The following ANKRD44 variants were observed in gnomAD, a reference collection of about 807,000 sequenced individuals.
ANKRD44 encodes the protein serine/threonine-protein phosphatase 6 regulatory ankyrin repeat subunit B.
ANKRD44 carries 35 observed loss-of-function variants against 116.0 expected under a neutral mutation model. The observed-to-expected ratio is 0.30, with a 90% CI of 0.23 to 0.40. The LOEUF (loss-of-function observed/expected upper bound fraction) is 0.40. Among genes scored for constraint, ANKRD44 ranks in the 10% least tolerant of loss-of-function variants. The pLI is 1.00. For missense variants in ANKRD44, 1,014 were observed against 1,242.6 expected (o/e 0.82, Z 2.77); for synonymous variants, 435 against 461.8 (o/e 0.94, Z 0.74).
At chr2:197,102,078 AC>A (rs1418106640) in intron 9 of ANKRD44, among the ~76,000 whole-genome samples, 1 of 152,022 alleles carries the variant, frequency 6.6e-6, no homozygotes, top group East Asian at 1.9e-4. Context: ...AAAAACAAAA[AC>A]AAAAAAAAAT....
At chr2:197,163,818 G>T (rs2080030549) in intron 2 of ANKRD44, among the ~76,000 whole-genome samples, 1 of 152,140 alleles carries the variant, frequency 6.6e-6, no homozygotes. Context: ...AGTACAGACG[G>T]GTTTTCACCA....
At chr2:197,233,982 A>C (rs1229893301) in intron 1 of ANKRD44, among the ~76,000 whole-genome samples, 10 of 152,244 alleles carry the variant, frequency 6.6e-5, no homozygotes, top group Admixed American at 4.6e-4. Context: ...ACTGCATTGC[A>C]CACTTAAAAA....
At chr2:197,186,201 G>C (rs1304852013) in intron 2 of ANKRD44, among the ~76,000 whole-genome samples, 1 of 152,080 alleles carries the variant, frequency 6.6e-6, no homozygotes, top group Admixed American at 6.6e-5. Flanking sequence ...GCAGGGCATG[G>C]GTTCCAGGGG....
chr2:197,116,043 A>G (rs565422800), intron 8 of ANKRD44, among the ~76,000 whole-genome samples: 1 of 152,358 alleles, frequency 6.6e-6, no homozygotes, highest in East Asian at 1.9e-4. Context: ...GGAAAAAAAT[A>G]AATATTAAAA....
At chr2:196,993,236 G>A (rs2075953176) in intron 27 of ANKRD44, among the ~76,000 whole-genome samples, 1 of 152,188 alleles carries the variant, frequency 6.6e-6, no homozygotes. Context: ...ATGCATTAAT[G>A]ACATGTGTAG....
At chr2:197,090,223 G>A (rs1056515399) in intron 10 of ANKRD44, among the ~76,000 whole-genome samples, 191 bp from the exon 11 acceptor site, 1 of 152,042 alleles carries the variant, frequency 6.6e-6, no homozygotes, top group Non-Finnish European at 1.5e-5. Flanking sequence ...AATAATAAAT[G>A]CCTGAATCAA....
At chr2:197,263,002 G>T in intron 1 of ANKRD44, 2 of 226,252 alleles carry the variant, frequency 8.8e-6, no homozygotes, top group South Asian at 5.8e-5. Context: ...ATATCATATT[G>T]CATGATATGC....
At chr2:196,998,824 A>G in intron 24 of ANKRD44, 83 bp downstream of exon 24, 4 of 1,564,828 alleles carry the variant, frequency 2.6e-6, no homozygotes, top group Non-Finnish European at 3.5e-6. Flanking sequence ...TGTATATACT[A>G]TGAGAACAAC....
intron 1 of ANKRD44, chr2:197,296,272 C>G (rs1012369224): frequency 3.9e-5 from 6 of 152,140 alleles, no homozygotes; most frequent in African/African-American, 1.4e-4. Flanking sequence ...GGTCCTATAT[C>G]AGCCACTAGG....
At chr2:197,283,153 C>A (rs770043305) in intron 1 of ANKRD44, among the ~76,000 whole-genome samples, 1 of 152,162 alleles carries the variant, frequency 6.6e-6, no homozygotes. Flanking sequence ...GTTTCTCTCA[C>A]CAGGATGTGG....
In ANKRD44 at chr2:197,307,318, C is replaced by T. The variant is rs543077050; in HGVS notation, c.27+3260G>A. 2.0e-5 allele frequency among the ~76,000 whole-genome samples: 3 copies of T among 152,208 alleles called. No homozygotes were observed. In the South Asian group the frequency reaches 6.2e-4, roughly 32 times the overall value. ...GGATGTTCTATGTTACACAGGGTAA[C>T]CAGTTCCTCCCAGTTTGCCTGGAAT... is the stretch of plus-strand genomic sequence containing the variant. On this transcript the variant is annotated intron_variant, in intron 1 of 27. Coordinates refer to ENST00000282272, the MANE Select transcript of ANKRD44 (RefSeq NM_001195144.2).
intron 2 of ANKRD44, among the ~76,000 whole-genome samples, chr2:197,171,607 G>A (rs117543033): frequency 2.8e-3 from 425 of 152,338 alleles, no homozygotes; most frequent in East Asian, 0.016. Context: ...TATTATAATG[G>A]TGGATGTAAG....
chr2:197,180,563 G>A (rs977972467), intron 2 of ANKRD44, among the ~76,000 whole-genome samples: 12 of 151,900 alleles, frequency 7.9e-5, no homozygotes, highest in African/African-American at 1.7e-4. Context: ...TCTCTAAGCC[G>A]GCAAAACATC....
At chr2:197,146,951 CTG>C (rs749302396) in intron 3 of ANKRD44, 74 bp downstream of exon 3, 2 of 1,327,906 alleles carry the variant, frequency 1.5e-6, no homozygotes, top group East Asian at 2.5e-5. Flanking sequence ...CTTGGGTTCA[CTG>C]TAGTAGTCAA....
chr2:196,980,378 A>C (rs1241663070), intron 21 of ANKRD44, among the ~76,000 whole-genome samples: 1 of 152,240 alleles, frequency 6.6e-6, no homozygotes, highest in African/African-American at 2.4e-5. Context: ...CTGAAGAAGA[A>C]TGTGAAATAA....
intron 21 of ANKRD44, among the ~76,000 whole-genome samples, chr2:196,968,581 G>A (rs2075691885): frequency 6.6e-6 from 1 of 152,150 alleles, no homozygotes; most frequent in Non-Finnish European, 1.5e-5. Context: ...CTGACCCAGT[G>A]TTTTTAAACA....
At chr2:197,103,039 C>A (rs547953481) in intron 9 of ANKRD44, among the ~76,000 whole-genome samples, 4 of 151,892 alleles carry the variant, frequency 2.6e-5, no homozygotes, top group African/African-American at 9.7e-5. Context: ...ACCATCCTGG[C>A]AAACACGGTG....
At chr2:197,211,524 T>G (rs923964994) in intron 1 of ANKRD44, among the ~76,000 whole-genome samples, 4 of 152,210 alleles carry the variant, frequency 2.6e-5, no homozygotes, top group Admixed American at 1.3e-4. Flanking sequence ...AACATTCACA[T>G]GAATTTTACA....
chr2:197,240,629 C>T (rs1358703059), intron 1 of ANKRD44, among the ~76,000 whole-genome samples: 53 of 151,106 alleles, frequency 3.5e-4, no homozygotes, highest in Admixed American at 3.5e-3. Context: ...AAGTCTCTCT[C>T]TGTGGGTGAC....
Sources: gnomAD v4.1 joint callset for allele counts (sites outside exome capture counted in the v4.1 genomes callset) on GRCh38, gnomAD v4.1.1 for gene constraint, MANE v1.5 for transcripts, NCBI Gene and HGNC (gene_info 2026-07-23, HGNC 2026-07-21) for gene names.